Variants in SOAT2 observed in about 807,000 individuals in gnomAD.
The protein encoded by SOAT2 is ACAT-2.
SOAT2 carries 87 observed loss-of-function variants against 76.0 expected under a neutral mutation model. The ratio of observed to expected loss-of-function variants is 1.14; its 90% CI spans 0.96 to 1.37. SOAT2 has a LOEUF of 1.37. Among genes scored for constraint, SOAT2 ranks in the 40% most tolerant of loss-of-function variants. The pLI, the probability that SOAT2 is intolerant of heterozygous loss-of-function variation, is 0.00. For synonymous variants in SOAT2, 285 were observed against 275.4 expected, an observed-to-expected ratio of 1.03 and a Z score of -0.34; for missense variants, 686 against 682.1, an observed-to-expected ratio of 1.01 and a Z score of -0.06.
chr12:53,119,693 G>T (rs1296182525), intron 10 of SOAT2, among the ~76,000 whole-genome samples: 6 of 125,182 alleles, frequency 4.8e-5, no homozygotes, highest in African/African-American at 2.2e-4. Context: ...GCCCATACTG[G>T]CCCCTCAGCT....
At chr12:53,111,534 C>T (rs919298970) in intron 5 of SOAT2, among the ~76,000 whole-genome samples, 1 of 152,162 alleles carries the variant, frequency 6.6e-6, no homozygotes, top group Non-Finnish European at 1.5e-5. Context: ...TTCAAGATGT[C>T]GCTATCTTCA....
rs1938242120 is a variant in SOAT2 at position 53,124,326 on chromosome 12, A to G, written c.*203A>G. The G allele has an allele frequency of 3.3e-6, 2 of 613,382 alleles. No individual in the cohort carries two copies. Among genetic ancestry groups the G allele is most frequent in the Non-Finnish European group, 5.8e-6 (2 of 343,018 alleles). 38.0% of individuals were successfully genotyped at this position (613,382 alleles called of 1,614,324 possible). A position where few individuals can be genotyped will look rare whatever the true frequency, so the allele number is the denominator to read the frequency against. On this transcript the variant is annotated 3_prime_UTR_variant, in exon 15 of 15. Coordinates refer to ENST00000301466, the MANE Select transcript of SOAT2 (RefSeq NM_003578.4). ...CACAGACCTCAGCATGGGGGTGACCAGGGTGACTCTTCAATCCCTATCCCC... is the reference window on the plus strand; with the variant it reads ...CACAGACCTCAGCATGGGGGTGACCGGGGTGACTCTTCAATCCCTATCCCC...
intron 5 of SOAT2, among the ~76,000 whole-genome samples, chr12:53,109,271 G>T (rs1937979346): frequency 6.6e-6 from 1 of 151,920 alleles, no homozygotes; most frequent in Non-Finnish European, 1.5e-5. Flanking sequence ...AATTATTATT[G>T]ATAATGTACA....
chr12:53,123,621 A>C, intron 13 of SOAT2, 107 bp from the exon 14 acceptor site: 3 of 1,344,162 alleles, frequency 2.2e-6, no homozygotes. Context: ...GATCTTCTCC[A>C]ATGGGGCCTT....
In SOAT2 at chr12:53,103,507, G is replaced by T; in HGVS notation, c.-71G>T. 7.3e-7 allele frequency: 1 copy of T among 1,369,898 alleles called. No homozygotes were observed. 84.9% of individuals were successfully genotyped at this position (1,369,898 alleles called of 1,614,324 possible). ...AGCTGAGTGGGACAAGAGCTCTACAGGGCAGGCCACACTGCGAAGGAAGGA... is the reference window on the plus strand; with the variant it reads ...AGCTGAGTGGGACAAGAGCTCTACATGGCAGGCCACACTGCGAAGGAAGGA... On this transcript the variant is annotated 5_prime_UTR_variant, in exon 1 of 15. In the 5' UTR this introduces an upstream ATG that the reference lacks. Transcript: ENST00000301466.
Position 53,105,992 on chromosome 12 carries a change from A to G in SOAT2, c.421A>G (p.Ile141Val), listed in dbSNP as rs1937928933. 1 of 1,613,944 alleles carries G rather than the reference A, an allele frequency of 6.2e-7. No individual in the cohort carries two copies. The highest frequency in any genetic ancestry group is 8.5e-7 in the Non-Finnish European group (1 of 1,179,874). The change falls in exon 5 of 15, where the codon ATC (isoleucine) becomes GTC (valine). Residue 141 changes from isoleucine to valine, a missense_variant. Coordinates refer to ENST00000301466, the MANE Select transcript of SOAT2 (RefSeq NM_003578.4). The part of the protein sequence containing the change: ...LCVFIISTLA[I>V]DFIDEGRLLL... Reference sequence around the variant, plus strand: ...TGTCTTCATCATCAGCACCCTGGCCATCGACTTCATTGATGAGGGCAGGTA... The same window carrying G: ...TGTCTTCATCATCAGCACCCTGGCCGTCGACTTCATTGATGAGGGCAGGTA...
Position 53,113,262 on chromosome 12 carries a change from G to A in SOAT2, c.444-2128G>A, listed in dbSNP as rs557990856. On this transcript the variant is annotated intron_variant, in intron 5 of 14. Coordinates refer to ENST00000301466, the MANE Select transcript of SOAT2 (RefSeq NM_003578.4). ...AGTGAGCCCTATTGCTTCCCTGGGTGGTACCGGACAAATGGCTTAACAAGC... is the reference window on the plus strand; with the variant it reads ...AGTGAGCCCTATTGCTTCCCTGGGTAGTACCGGACAAATGGCTTAACAAGC... 1.1e-4 allele frequency among the ~76,000 whole-genome samples: 17 copies of A among 152,260 alleles called. No homozygotes were observed. The South Asian group carries it at 3.5e-3, about 32-fold the overall frequency.
intron 6 of SOAT2, among the ~76,000 whole-genome samples, 188 bp from the exon 7 acceptor site, chr12:53,115,909 T>C (rs3817536): frequency 0.28 from 42,990 of 152,178 alleles, 7,465 homozygotes; most frequent in African/African-American, 0.5. Flanking sequence ...CCTCTTATCC[T>C]AGCAGCCTTC....
chr12:53,111,112 A>T (rs770585115), intron 5 of SOAT2, among the ~76,000 whole-genome samples: 23 of 143,310 alleles, frequency 1.6e-4, no homozygotes, highest in African/African-American at 3.4e-4. Flanking sequence ...ATTTGCCTAC[A>T]TTTTTTTTTT....
At chr12:53,118,986 G>A in intron 9 of SOAT2, 51 bp downstream of exon 9, 5 of 1,611,918 alleles carry the variant, frequency 3.1e-6, no homozygotes, top group Non-Finnish European at 4.2e-6. Context: ...TGGTGGAGAG[G>A]GGACATTTCT....
chr12:53,111,366 C>G (rs959271599), intron 5 of SOAT2, among the ~76,000 whole-genome samples: 6 of 152,178 alleles, frequency 3.9e-5, no homozygotes, highest in Non-Finnish European at 7.3e-5. Flanking sequence ...CTCGGCCTCC[C>G]AAAGTGCTGG....
Position 53,123,794 on chromosome 12 carries a change from T to C in SOAT2, c.1439T>C (p.Met480Thr). 1 of 1,614,120 alleles carries C rather than the reference T, an allele frequency of 6.2e-7. No homozygotes were observed. Among genetic ancestry groups the C allele is most frequent in the South Asian group, 1.1e-5 (1 of 91,082 alleles). ...GPAWNVLMWT[M>T]LFLGQGIQVS... Reference sequence around the variant, plus strand: ...GCATGGAACGTGCTGATGTGGACCATGCTGTTTCTAGGCCAGGGAATCCAG... The same window carrying C: ...GCATGGAACGTGCTGATGTGGACCACGCTGTTTCTAGGCCAGGGAATCCAG... The change falls in exon 14 of 15, where the codon ATG becomes ACG. Residue 480 changes from methionine to threonine, a missense_variant. Physicochemically the swap from Met to Thr is moderately conservative, Grantham distance 81 (BLOSUM62 -1). Transcript: ENST00000301466.
chr12:53,121,359 C>G lies in SOAT2; in HGVS notation c.1194C>G (p.Val398=), dbSNP rs1938186217. 1 of 1,614,058 alleles carries G rather than the reference C, an allele frequency of 6.2e-7. No homozygotes were observed. The highest frequency in any genetic ancestry group is 1.3e-5 in the African/African-American group (1 of 74,924). ...ACTACCGCACTTGGAACGTGGTGGTCCATGACTGGCTGTACAGCTACGTGT... is the reference window on the plus strand; with the variant it reads ...ACTACCGCACTTGGAACGTGGTGGTGCATGACTGGCTGTACAGCTACGTGT... ...SNYYRTWNVV[V]HDWLYSYVYQ... Residue 398 remains valine, a synonymous_variant, in exon 12 of 15, where the codon GTC becomes GTG. Coordinates refer to ENST00000301466, the MANE Select transcript of SOAT2 (RefSeq NM_003578.4).
intron 2 of SOAT2, among the ~76,000 whole-genome samples, chr12:53,104,677 A>C (rs1240129614): frequency 6.6e-6 from 1 of 151,988 alleles, no homozygotes; most frequent in Admixed American, 6.6e-5. Flanking sequence ...GCCAGTAGAT[A>C]GAGTCTTCCT....
intron 6 of SOAT2, 143 bp from the exon 7 acceptor site, chr12:53,115,954 C>A: frequency 1.3e-6 from 1 of 760,666 alleles, no homozygotes. Flanking sequence ...ATACGGCCAT[C>A]CAACAAAAAG....
chr12:53,105,822 C>CATGCCTCAT, intron 4 of SOAT2, 85 bp from the exon 5 acceptor site: 2 of 1,205,676 alleles, frequency 1.7e-6, no homozygotes, highest in Non-Finnish European at 2.5e-6. Context: ...CGCTAGGCCC[C>CATGCCTCAT]ATGCCTCATG....
intron 10 of SOAT2, among the ~76,000 whole-genome samples, chr12:53,120,325 C>T (rs144689844): frequency 0.02 from 3,071 of 152,062 alleles, 103 homozygotes; most frequent in African/African-American, 0.069. Context: ...AAAAATTAGC[C>T]GGGCGTGGTG....
Position 53,123,869 on chromosome 12 carries a change from C to G in SOAT2, c.1514C>G (p.Pro505Arg). The G allele has an allele frequency of 6.2e-7, 1 of 1,614,094 alleles. No homozygotes were observed. The highest frequency in any genetic ancestry group is 8.5e-7 in the Non-Finnish European group (1 of 1,180,012). Residue 505 changes from proline to arginine, a missense_variant, in exon 14 of 15, where the codon CCC (proline) becomes CGC (arginine). Transcript: ENST00000301466. ...EWYARRHCPL[P>R]QATFWGLVTP... Reference sequence around the variant, plus strand: ...TACGCACGGCGGCACTGCCCCTTACCCCAGGTAAGAGACCACAACCCTCAT... The same window carrying G: ...TACGCACGGCGGCACTGCCCCTTACGCCAGGTAAGAGACCACAACCCTCAT...
intron 13 of SOAT2, 90 bp downstream of exon 13, chr12:53,123,306 C>T (rs1938223185): frequency 2.6e-6 from 4 of 1,523,904 alleles, no homozygotes; most frequent in Non-Finnish European, 3.6e-6. Flanking sequence ...GGTGGGAGGC[C>T]TCGCCCCCAG....
Sources: allele counts gnomAD v4.1 joint callset (sites outside exome capture counted in the v4.1 genomes callset), GRCh38; gene constraint gnomAD v4.1.1; transcripts MANE v1.5; gene names NCBI Gene and HGNC (gene_info 2026-07-23, HGNC 2026-07-21).